Variants in ADAMTSL1 observed in about 807,000 individuals in gnomAD.
ADAMTSL1 encodes ADAMTS-like protein 1.
In ADAMTSL1, 126 loss-of-function variants were observed where a neutral mutation model predicts 201.8. The observed-to-expected ratio is 0.62, with a 90% CI of 0.54 to 0.72. ADAMTSL1 has a LOEUF of 0.72. Ranked by LOEUF, ADAMTSL1 falls within the 30% of genes least tolerant of loss-of-function variation. ADAMTSL1 has a pLI of 0.00. For missense variants in ADAMTSL1, 2,679 were observed against 2,277.8 expected (o/e 1.18, Z -3.59); for synonymous variants, 1,121 against 903.4 (o/e 1.24, Z -4.32).
In ADAMTSL1 at chr9:18,777,264, G is replaced by A. The variant is rs781045250; in HGVS notation, c.3035G>A (p.Gly1012Asp). Residue 1012 changes from glycine (G) to aspartate (D), a missense_variant, in exon 19 of 29, where the codon GGC becomes GAC. Coordinates refer to ENST00000380548, the MANE Select transcript of ADAMTSL1 (RefSeq NM_001040272.6). ...AACGGCAGCAAGGCGGAGAAGCGGG[G>A]CCTGGCCGCCAACCCGGGGAGCCGC... Reference protein sequence around the residue: ...FSNGSKAEKRGLAANPGSRYD... With the variant: ...FSNGSKAEKRDLAANPGSRYD... 4.3e-6 allele frequency: 7 copies of A among 1,610,590 alleles called. No homozygotes were observed. Among genetic ancestry groups the A allele is most frequent in the Non-Finnish European group, 5.9e-6 (7 of 1,178,936 alleles).
At chr9:18,177,998 A>G (rs1418900163) in intron 2 of ADAMTSL1, among the ~76,000 whole-genome samples, 1 of 152,162 alleles carries the variant, frequency 6.6e-6, no homozygotes, top group East Asian at 1.9e-4. Context: ...GTGTTTTAGA[A>G]TTAGATAGTG....
chr9:17,930,171 GCAGGGCTGAAGTGGGGGTAGGTGCTCTT>G (rs1826719395), intron 1 of ADAMTSL1, among the ~76,000 whole-genome samples: 1 of 152,084 alleles, frequency 6.6e-6, no homozygotes, highest in South Asian at 2.1e-4. Context: ...AGTCCAATTG[GCAGGGCTGAAGTGGGGGTAGGTGCTCTT>G]CAAGCACCTG....
intron 8 of ADAMTSL1, 23 bp from the exon 9 acceptor site, chr9:18,661,912 G>C: frequency 6.2e-7 from 1 of 1,606,490 alleles, no homozygotes; most frequent in Non-Finnish European, 8.5e-7. Context: ...ATTTAAACTT[G>C]CCTGGATGGT....
intron 2 of ADAMTSL1, among the ~76,000 whole-genome samples, chr9:18,291,610 G>A (rs1770880149): frequency 6.6e-6 from 1 of 151,566 alleles, no homozygotes; most frequent in African/African-American, 2.4e-5. Context: ...CTGAAGATCT[G>A]ACTACTGGAT....
chr9:18,096,867 T>C (rs1587038622), intron 1 of ADAMTSL1, among the ~76,000 whole-genome samples: 2 of 152,202 alleles, frequency 1.3e-5, no homozygotes, highest in African/African-American at 2.4e-5. Flanking sequence ...CTAGAACTCA[T>C]ATAAATAATA....
chr9:18,836,085 G>C (rs1294902870), intron 23 of ADAMTSL1, among the ~76,000 whole-genome samples: 1 of 152,144 alleles, frequency 6.6e-6, no homozygotes, highest in Non-Finnish European at 1.5e-5. Flanking sequence ...TATCCAAACT[G>C]CTTTCCACAG....
At chr9:18,276,843 G>A (rs537016911) in intron 2 of ADAMTSL1, among the ~76,000 whole-genome samples, 1 of 152,214 alleles carries the variant, frequency 6.6e-6, no homozygotes, top group East Asian at 1.9e-4. Flanking sequence ...CCACCCCCAG[G>A]ACCCAAACTC....
chr9:18,794,989 C>T (rs72690576), intron 19 of ADAMTSL1, among the ~76,000 whole-genome samples: 22,065 of 152,120 alleles, frequency 0.15, 1,892 homozygotes, highest in Non-Finnish European at 0.19. Flanking sequence ...TTCAACCATC[C>T]AACCAAGCTC....
At position 17,955,858 on chromosome 9, in the gene ADAMTSL1, A is replaced by G. The variant is rs188188386; in HGVS notation, c.87+48936A>G. ...TTTCGTTCTATCCATGGATTCAGGT[A>G]TCCCCTGAGGTTCTTAGGATATGTC... is the stretch of plus-strand genomic sequence containing the variant. On this transcript the variant is annotated intron_variant, in intron 1 of 29. Transcript: ENST00000680146. Among the ~76,000 whole-genome samples the G allele has an allele frequency of 7.1e-4, 108 of 152,314 alleles. No homozygotes were observed. The Middle Eastern group carries it at 0.024, about 34-fold the overall frequency.
intron 2 of ADAMTSL1, among the ~76,000 whole-genome samples, chr9:18,310,681 C>T (rs1208807049): frequency 6.6e-6 from 1 of 152,014 alleles, no homozygotes. Flanking sequence ...GTTAGAATGG[C>T]GATCATTAAA....
chr9:18,534,581 A>G (rs529300064), intron 3 of ADAMTSL1, among the ~76,000 whole-genome samples: 1 of 152,314 alleles, frequency 6.6e-6, no homozygotes, highest in East Asian at 1.9e-4. Flanking sequence ...TTTCCTCAAT[A>G]TCATGGGCAT....
chr9:18,170,064 T>C (rs2055236197), intron 2 of ADAMTSL1, among the ~76,000 whole-genome samples: 1 of 151,898 alleles, frequency 6.6e-6, no homozygotes, highest in Non-Finnish European at 1.5e-5. Flanking sequence ...ACATCCTACA[T>C]AGTTTGTAAA....
chr9:18,316,025 C>T (rs538331632), intron 2 of ADAMTSL1, among the ~76,000 whole-genome samples: 2 of 152,238 alleles, frequency 1.3e-5, no homozygotes, highest in South Asian at 2.1e-4. Context: ...TAAAGCTGGG[C>T]GTCGGGGGAG....
At chr9:18,163,417 C>T (rs1827489598) in intron 1 of ADAMTSL1, among the ~76,000 whole-genome samples, 1 of 151,998 alleles carries the variant, frequency 6.6e-6, no homozygotes, top group Non-Finnish European at 1.5e-5. Flanking sequence ...GTTCTGGGCT[C>T]AGGCCAGGCT....
At chr9:18,805,684 C>A (rs1244053805) in intron 20 of ADAMTSL1, among the ~76,000 whole-genome samples, 1 of 152,182 alleles carries the variant, frequency 6.6e-6, no homozygotes, top group Admixed American at 6.5e-5. Flanking sequence ...CCTGCCCCTG[C>A]CCCTGCCCCC....
chr9:17,950,897 C>A (rs986692481), intron 1 of ADAMTSL1, among the ~76,000 whole-genome samples: 4 of 152,056 alleles, frequency 2.6e-5, no homozygotes, highest in Non-Finnish European at 4.4e-5. Context: ...CCCAGGCAAG[C>A]AACAGTACAC....
intron 7 of ADAMTSL1, among the ~76,000 whole-genome samples, chr9:18,653,994 G>A (rs1020929707): frequency 9.2e-5 from 14 of 152,242 alleles, no homozygotes; most frequent in Admixed American, 3.3e-4. Flanking sequence ...TTGGGAGGCC[G>A]AGGCGGGTGG....
intron 2 of ADAMTSL1, among the ~76,000 whole-genome samples, chr9:18,270,185 C>T (rs1236341286): frequency 6.6e-6 from 1 of 152,108 alleles, no homozygotes; most frequent in Non-Finnish European, 1.5e-5. Flanking sequence ...CACTTCCTGG[C>T]TCATAGATGG....
At chr9:18,749,286 G>A (rs1279774312) in intron 15 of ADAMTSL1, among the ~76,000 whole-genome samples, 1 of 152,164 alleles carries the variant, frequency 6.6e-6, no homozygotes, top group Admixed American at 6.5e-5. Context: ...GAGTGGGGAA[G>A]TCACATTACA....
Sources: gnomAD v4.1 joint callset for allele counts (sites outside exome capture counted in the v4.1 genomes callset) on GRCh38, gnomAD v4.1.1 for gene constraint, MANE v1.5 for transcripts, NCBI Gene and HGNC (gene_info 2026-07-23, HGNC 2026-07-21) for gene names.